REEP3: variants seen among roughly 807,000 people sequenced by gnomAD.
REEP3 encodes receptor accessory protein 3, also known as receptor expression-enhancing protein 3.
REEP3 carries 20 observed loss-of-function variants against 41.3 expected under a neutral mutation model. The ratio of observed to expected loss-of-function variants is 0.48; its 90% CI spans 0.34 to 0.70. REEP3 has a LOEUF of 0.70. Among genes scored for constraint, REEP3 ranks in the 30% least tolerant of loss-of-function variants. The pLI is 0.01. For missense variants in REEP3, 271 were observed against 308.8 expected (o/e 0.88, Z 0.92); for synonymous variants, 104 against 101.8 (o/e 1.02, Z -0.13).
At position 63,619,812 on chromosome 10, in the gene REEP3, G is replaced by T. The variant is rs544676584; in HGVS notation, c.711+12G>T. 3 of 1,594,342 alleles carry T rather than the reference G, an allele frequency of 1.9e-6. No homozygotes were observed. In the African/African-American group the frequency reaches 4.0e-5, roughly 21 times the overall value. ...AAGGCCGCAAAGAGGTTGGTTAAGT[G>T]TAGAGCTGTTTTCCTAATGATTAGT... is the stretch of plus-strand genomic sequence containing the variant. On this transcript the variant is annotated intron_variant, in intron 7 of 7. Coordinates refer to ENST00000373758, the MANE Select transcript of REEP3 (RefSeq NM_001001330.3).
chr10:63,578,993 C>G (rs7911761), intron 2 of REEP3, among the ~76,000 whole-genome samples: 65,539 of 148,076 alleles, frequency 0.44, 14,524 homozygotes, highest in Middle Eastern at 0.5. Flanking sequence ...GTAACTGGTA[C>G]TGTTATAATC....
chr10:63,537,232 TG>T (rs1054345493), intron 1 of REEP3, among the ~76,000 whole-genome samples: 4 of 152,224 alleles, frequency 2.6e-5, no homozygotes, highest in Non-Finnish European at 2.9e-5. Context: ...GTTTGTGTTT[TG>T]TTTTTTTTAA....
intron 1 of REEP3, among the ~76,000 whole-genome samples, chr10:63,524,834 A>T (rs1341519998): frequency 6.6e-6 from 1 of 152,112 alleles, no homozygotes; most frequent in Non-Finnish European, 1.5e-5. Flanking sequence ...CATTATAATA[A>T]ATACCACATG....
At chr10:63,599,418 AT>A (rs1956151228) in intron 5 of REEP3, 135 bp downstream of exon 5, 2 of 452,048 alleles carry the variant, frequency 4.4e-6, no homozygotes, top group Non-Finnish European at 7.5e-6. Context: ...CAAGTAAATA[AT>A]TTTAAAGATA....
chr10:63,572,908 C>T (rs898449357), intron 2 of REEP3, among the ~76,000 whole-genome samples: 1 of 152,128 alleles, frequency 6.6e-6, no homozygotes, highest in Non-Finnish European at 1.5e-5. Context: ...TTGTACATTT[C>T]TTAAGTGGAT....
chr10:63,585,370 G>C (rs894837397), intron 2 of REEP3, among the ~76,000 whole-genome samples: 1 of 152,166 alleles, frequency 6.6e-6, no homozygotes, highest in African/African-American at 2.4e-5. Flanking sequence ...GAAGGAGTCA[G>C]GGTAATTAGG....
intron 3 of REEP3, among the ~76,000 whole-genome samples, chr10:63,595,434 A>G (rs1189637441): frequency 1.3e-5 from 2 of 152,226 alleles, no homozygotes; most frequent in Non-Finnish European, 2.9e-5. Context: ...GGTGTATTTC[A>G]GTAGTGCATT....
intron 1 of REEP3, among the ~76,000 whole-genome samples, chr10:63,546,433 G>A (rs1955579136): frequency 6.6e-6 from 1 of 152,166 alleles, no homozygotes; most frequent in South Asian, 2.1e-4. Context: ...ATGAGTTCAT[G>A]AAGTAGGGAG....
rs78203643 is a variant in REEP3 at position 63,541,817 on chromosome 10, C to T, written c.32+20240C>T. On this transcript the variant is annotated intron_variant, in intron 1 of 7. Transcript: ENST00000373758. ...TTTCTTTTTTCCATTTAAAGTGGCC[C>T]TGCCCGTAGCAATGGGATAAAAGCA... Among the ~76,000 whole-genome samples, 438 of 152,272 alleles carry T rather than the reference C, an allele frequency of 2.9e-3. 2 individuals are homozygous for T. Among genetic ancestry groups the T allele is most frequent in the Non-Finnish European group, 5.1e-3 (344 of 68,026 alleles).
intron 1 of REEP3, among the ~76,000 whole-genome samples, chr10:63,535,602 T>C (rs1275855892): frequency 1.3e-5 from 2 of 152,140 alleles, no homozygotes; most frequent in African/African-American, 2.4e-5. Flanking sequence ...TTTATTATAA[T>C]GTAGGAATTA....
intron 2 of REEP3, 144 bp downstream of exon 2, chr10:63,566,554 T>C: frequency 1.8e-6 from 1 of 557,526 alleles, no homozygotes. Context: ...CTAATCTTTT[T>C]TAAAATCTTT....
intron 2 of REEP3, among the ~76,000 whole-genome samples, chr10:63,587,322 C>T (rs1239037493): frequency 6.6e-6 from 1 of 152,154 alleles, no homozygotes; most frequent in Non-Finnish European, 1.5e-5. Flanking sequence ...AAATGTGGTC[C>T]CCTTCTCCAT....
At chr10:63,578,498 A>G (rs910930567) in intron 2 of REEP3, among the ~76,000 whole-genome samples, 45 of 152,004 alleles carry the variant, frequency 3.0e-4, no homozygotes, top group African/African-American at 1.4e-4. Flanking sequence ...ATGGCCGGGC[A>G]TGGTAGCTCA....
intron 3 of REEP3, 48 bp downstream of exon 3, chr10:63,594,902 G>T (rs753803913): frequency 8.7e-7 from 1 of 1,151,758 alleles, no homozygotes; most frequent in African/African-American, 1.5e-5. Flanking sequence ...TCATAATCAG[G>T]TGTCCTAAGT....
At chr10:63,524,748 A>G (rs901357708) in intron 1 of REEP3, among the ~76,000 whole-genome samples, 2 of 152,182 alleles carry the variant, frequency 1.3e-5, no homozygotes, top group African/African-American at 4.8e-5. Flanking sequence ...CTGGCCCTGG[A>G]TACCACTGTT....
At chr10:63,563,791 G>A (rs950173647) in intron 1 of REEP3, among the ~76,000 whole-genome samples, 9 of 152,006 alleles carry the variant, frequency 5.9e-5, no homozygotes, top group Admixed American at 2.6e-4. Flanking sequence ...GATAAGTCAC[G>A]TTGATAGACT....
chr10:63,604,103 C>T (rs939049376), intron 5 of REEP3, among the ~76,000 whole-genome samples: 1 of 152,140 alleles, frequency 6.6e-6, no homozygotes, highest in Non-Finnish European at 1.5e-5. Context: ...CGGGTAATAA[C>T]GCTGACTAGG....
intron 1 of REEP3, among the ~76,000 whole-genome samples, chr10:63,554,074 C>T (rs1421669055): frequency 1.3e-5 from 2 of 151,150 alleles, no homozygotes; most frequent in African/African-American, 4.9e-5. Flanking sequence ...TGCCCTCCAG[C>T]CTGGGTGACA....
intron 5 of REEP3, among the ~76,000 whole-genome samples, chr10:63,605,813 A>G (rs1956219914): frequency 6.6e-6 from 1 of 152,128 alleles, no homozygotes; most frequent in Non-Finnish European, 1.5e-5. Context: ...CTCTGTGTGG[A>G]GCCAGTGTGG....
Sources: allele counts gnomAD v4.1 joint callset (sites outside exome capture counted in the v4.1 genomes callset), GRCh38; gene constraint gnomAD v4.1.1; transcripts MANE v1.5; gene names NCBI Gene and HGNC (gene_info 2026-07-23, HGNC 2026-07-21).